Variants in CSMD3 observed in about 807,000 individuals in gnomAD.
CSMD3 encodes the protein CUB and Sushi multiple domains 3.
A neutral mutation model predicts 435.2 loss-of-function variants in CSMD3; 177 were observed. The ratio of observed to expected loss-of-function variants is 0.41; its 90% CI spans 0.36 to 0.46. The LOEUF (loss-of-function observed/expected upper bound fraction) is 0.46. Ranked by LOEUF, CSMD3 falls within the 20% of genes least tolerant of loss-of-function variation. CSMD3 has a pLI of 0.34. For synonymous variants in CSMD3, 1,656 were observed against 1,520.5 expected (o/e 1.09, Z -2.07); for missense variants, 4,265 against 4,504.6 (o/e 0.95, Z 1.52).
At chr8:113,039,142 A>C (rs1587943848) in intron 5 of CSMD3, among the ~76,000 whole-genome samples, 2 of 152,240 alleles carry the variant, frequency 1.3e-5, no homozygotes, top group East Asian at 3.9e-4. Context: ...TAACTCTATA[A>C]ATTTATTTGA....
intron 13 of CSMD3, among the ~76,000 whole-genome samples, chr8:112,789,212 G>T (rs2078627042): frequency 6.6e-6 from 1 of 152,116 alleles, no homozygotes; most frequent in South Asian, 2.1e-4. Context: ...TTCTGAGAGA[G>T]AGTGTCTCAG....
intron 32 of CSMD3, among the ~76,000 whole-genome samples, chr8:112,460,795 C>A (rs1467357667): frequency 6.6e-6 from 1 of 152,026 alleles, no homozygotes; most frequent in Non-Finnish European, 1.5e-5. Flanking sequence ...GGAAAATATT[C>A]CAGTTAAATC....
intron 1 of CSMD3, among the ~76,000 whole-genome samples, chr8:113,433,612 G>T (rs2130110914): frequency 6.6e-6 from 1 of 152,336 alleles, no homozygotes; most frequent in South Asian, 2.1e-4. Context: ...ACGCTCTGGC[G>T]TGGGGTGCGC....
At chr8:112,868,498 G>A (rs1564044347) in intron 10 of CSMD3, among the ~76,000 whole-genome samples, 1 of 152,132 alleles carries the variant, frequency 6.6e-6, no homozygotes, top group Non-Finnish European at 1.5e-5. Context: ...AAAAACACAT[G>A]AGTAACATGT....
At chr8:112,491,668 ACTC>A (rs1298474658) in intron 31 of CSMD3, among the ~76,000 whole-genome samples, 2 of 151,584 alleles carry the variant, frequency 1.3e-5, no homozygotes, top group Non-Finnish European at 2.9e-5. Flanking sequence ...GAAAAAAAGT[ACTC>A]TCTCTATGTT....
At chr8:113,069,582 C>T (rs1383298) in intron 5 of CSMD3, among the ~76,000 whole-genome samples, 102,164 of 151,922 alleles carry the variant, frequency 0.67, 35,967 homozygotes, top group East Asian at 0.95. Flanking sequence ...ATTGATCTTA[C>T]ATAGCAAGAT....
chr8:112,777,453 G>A (rs1009840959), intron 13 of CSMD3, among the ~76,000 whole-genome samples: 1 of 151,682 alleles, frequency 6.6e-6, no homozygotes, highest in Non-Finnish European at 1.5e-5. Context: ...AGTTGTTGAT[G>A]ATATTATTTA....
chr8:113,303,986 T>C (rs1369948858), intron 2 of CSMD3, among the ~76,000 whole-genome samples: 1 of 138,364 alleles, frequency 7.2e-6, no homozygotes, highest in African/African-American at 2.6e-5. Context: ...ACCTACAAAA[T>C]GGGAGAAAAT....
intron 63 of CSMD3, among the ~76,000 whole-genome samples, chr8:112,253,996 A>T (rs536912533): frequency 1.3e-5 from 2 of 151,400 alleles, no homozygotes; most frequent in Non-Finnish European, 3.0e-5. Context: ...ATGCTTATGG[A>T]TTTTTCCTAT....
At chr8:112,542,637 A>G (rs1826786243) in intron 27 of CSMD3, among the ~76,000 whole-genome samples, 1 of 152,040 alleles carries the variant, frequency 6.6e-6, no homozygotes, top group Admixed American at 6.6e-5. Context: ...GAAAACTATA[A>G]AACAATAATG....
intron 9 of CSMD3, among the ~76,000 whole-genome samples, chr8:112,922,631 T>C (rs974844227): frequency 1.4e-4 from 22 of 152,010 alleles, no homozygotes; most frequent in African/African-American, 5.1e-4. Flanking sequence ...CATGTGATAT[T>C]TGTCTTTCTG....
At chr8:112,924,853 T>C (rs1203699593) in intron 9 of CSMD3, among the ~76,000 whole-genome samples, 1 of 152,214 alleles carries the variant, frequency 6.6e-6, no homozygotes, top group South Asian at 2.1e-4. Flanking sequence ...AGCTTTCTCG[T>C]CTGTTGTGAT....
chr8:113,255,137 T>C (rs979359357), intron 3 of CSMD3, among the ~76,000 whole-genome samples: 1 of 152,150 alleles, frequency 6.6e-6, no homozygotes, highest in Non-Finnish European at 1.5e-5. Context: ...ATATAGTTTT[T>C]AGTGCTCCAA....
chr8:112,617,291 A>T (rs890149645), intron 22 of CSMD3, among the ~76,000 whole-genome samples: 7 of 152,220 alleles, frequency 4.6e-5, no homozygotes, highest in Non-Finnish European at 1.0e-4. Flanking sequence ...ATTGATTTAT[A>T]ACTTTTTTCT....
chr8:112,650,875 C>T (rs1158021183), intron 18 of CSMD3, among the ~76,000 whole-genome samples: 2 of 152,230 alleles, frequency 1.3e-5, no homozygotes, highest in Non-Finnish European at 2.9e-5. Flanking sequence ...CTCCTGATAT[C>T]TTCCTTGCAA....
chr8:113,142,735 TA>T (rs2091578664), intron 4 of CSMD3, among the ~76,000 whole-genome samples: 2 of 150,848 alleles, frequency 1.3e-5, no homozygotes, highest in Non-Finnish European at 3.0e-5. Context: ...TTAAAGTCAC[TA>T]AAAAAGAATA....
intron 3 of CSMD3, among the ~76,000 whole-genome samples, chr8:113,231,285 T>C (rs2093083125): frequency 1.3e-5 from 2 of 151,364 alleles, no homozygotes; most frequent in Admixed American, 1.3e-4. Context: ...TGTTTTCTTG[T>C]ATCAAATAAT....
intron 38 of CSMD3, among the ~76,000 whole-genome samples, chr8:112,357,189 G>T (rs1826700141): frequency 6.6e-6 from 1 of 152,134 alleles, no homozygotes; most frequent in South Asian, 2.1e-4. Context: ...TGAGGAACTT[G>T]TTGGGAACTG....
chr8:112,285,763 A>G (rs892072379), intron 58 of CSMD3, among the ~76,000 whole-genome samples: 1 of 151,842 alleles, frequency 6.6e-6, no homozygotes, highest in Non-Finnish European at 1.5e-5. Context: ...TCTGTCACCT[A>G]GGCTAGAGTG....
Sources: gnomAD v4.1 joint callset for allele counts (sites outside exome capture counted in the v4.1 genomes callset) on GRCh38, gnomAD v4.1.1 for gene constraint, MANE v1.5 for transcripts, NCBI Gene and HGNC (gene_info 2026-07-23, HGNC 2026-07-21) for gene names.